Variants in EXOC6B observed in about 807,000 individuals in gnomAD.
EXOC6B encodes the protein exocyst complex component 6B.
EXOC6B carries 54 observed loss-of-function variants against 113.5 expected under a neutral mutation model. The ratio of observed to expected loss-of-function variants is 0.48; its 90% CI spans 0.38 to 0.60. The LOEUF (loss-of-function observed/expected upper bound fraction) is 0.60. EXOC6B is among the 20% of genes least tolerant of loss of function. The probability of loss-of-function intolerance (pLI) is 0.00; values close to 1 mark genes in which losing one functional copy is unlikely to be tolerated. For missense variants in EXOC6B, 797 were observed against 977.5 expected, an observed-to-expected ratio of 0.82 and a Z score of 2.46; for synonymous variants, 357 against 339.0, an observed-to-expected ratio of 1.05 and a Z score of -0.58.
At chr2:72,374,374 G>A (rs1225773267) in intron 19 of EXOC6B, among the ~76,000 whole-genome samples, 1 of 152,170 alleles carries the variant, frequency 6.6e-6, no homozygotes, top group Admixed American at 6.5e-5. Flanking sequence ...ATGAAATCCT[G>A]TCATTTGTAA....
At chr2:72,730,462 C>A (rs914760943) in intron 5 of EXOC6B, among the ~76,000 whole-genome samples, 3 of 152,124 alleles carry the variant, frequency 2.0e-5, no homozygotes, top group Non-Finnish European at 2.9e-5. Flanking sequence ...TAACTCTTCA[C>A]TGGACTCTAG....
At chr2:72,323,629 T>C (rs1030797565) in intron 20 of EXOC6B, among the ~76,000 whole-genome samples, 20 of 152,100 alleles carry the variant, frequency 1.3e-4, no homozygotes, top group African/African-American at 4.6e-4. Flanking sequence ...ATGTGGCACA[T>C]ATACACCATG....
intron 1 of EXOC6B, among the ~76,000 whole-genome samples, chr2:72,782,310 C>G (rs1684097875): frequency 6.6e-6 from 1 of 152,110 alleles, no homozygotes; most frequent in Non-Finnish European, 1.5e-5. Context: ...AAACTCAGTT[C>G]AAATATCACC....
At chr2:72,488,599 C>T (rs956097239) in intron 16 of EXOC6B, among the ~76,000 whole-genome samples, 2 of 152,138 alleles carry the variant, frequency 1.3e-5, no homozygotes, top group African/African-American at 2.4e-5. Context: ...GTATATACAG[C>T]CTTCTCGTTG....
intron 19 of EXOC6B, among the ~76,000 whole-genome samples, chr2:72,355,213 T>C (rs1009857516): frequency 1.2e-4 from 19 of 152,332 alleles, no homozygotes; most frequent in African/African-American, 4.3e-4. Context: ...TGTATGCATA[T>C]ATACACATAC....
chr2:72,569,657 C>T (rs1704404712), intron 7 of EXOC6B, among the ~76,000 whole-genome samples: 1 of 152,154 alleles, frequency 6.6e-6, no homozygotes, highest in Non-Finnish European at 1.5e-5. Flanking sequence ...CTGGTTTAAA[C>T]TCTAAACTTC....
rs185253786 is a variant in EXOC6B at position 72,682,708 on chromosome 2, T to C, written c.669+35395A>G. On this transcript the variant is annotated intron_variant, in intron 6 of 21. Coordinates refer to ENST00000272427, the MANE Select transcript of EXOC6B (RefSeq NM_015189.3). ...ATTGATATTTAAACTGATTTGCCTC[T>C]GACTATTTATAAACAAAGCCGAAAA... 3.7e-3 allele frequency among the ~76,000 whole-genome samples: 557 copies of C among 152,296 alleles called. 3 individuals are homozygous for C. Among genetic ancestry groups the C allele is most frequent in the African/African-American group, 0.013 (524 of 41,560 alleles).
intron 1 of EXOC6B, among the ~76,000 whole-genome samples, chr2:72,820,906 A>C (rs1265687973): frequency 2.0e-5 from 3 of 152,170 alleles, no homozygotes; most frequent in Admixed American, 6.5e-5. Flanking sequence ...ATAGGAGCAA[A>C]TCTTCATGAT....
intron 6 of EXOC6B, among the ~76,000 whole-genome samples, chr2:72,661,548 T>C (rs1192743741): frequency 6.6e-6 from 1 of 152,096 alleles, no homozygotes; most frequent in African/African-American, 2.4e-5. Flanking sequence ...ATAATTGATA[T>C]GAATCTAACA....
intron 6 of EXOC6B, among the ~76,000 whole-genome samples, chr2:72,640,067 T>C (rs1200225776): frequency 1.3e-5 from 2 of 152,056 alleles, no homozygotes; most frequent in Non-Finnish European, 2.9e-5. Flanking sequence ...GGAATGAAGA[T>C]CATTGAGCTA....
chr2:72,691,615 A>G (rs2104590152), intron 6 of EXOC6B, among the ~76,000 whole-genome samples: 1 of 152,104 alleles, frequency 6.6e-6, no homozygotes, highest in South Asian at 2.1e-4. Context: ...ATTTAACAGG[A>G]ACGCTTATAA....
chr2:72,818,058 A>G (rs1242636177), intron 1 of EXOC6B, among the ~76,000 whole-genome samples: 1 of 151,888 alleles, frequency 6.6e-6, no homozygotes, highest in Non-Finnish European at 1.5e-5. Context: ...TGCAACCTCT[A>G]CCTCCTGGGT....
Position 72,179,395 on chromosome 2 carries a change from C to T in EXOC6B, c.2376G>A (p.Gln792=), listed in dbSNP as rs1326263120. ...GCTTGGCCACGGTGTCAATGAGTTT[C>T]TGCTTGTCTCGCTCATTTTTCCGAA... is the stretch of plus-strand genomic sequence containing the variant. The part of the protein sequence containing the change: ...AQFRKNERDK[Q]KLIDTVAKQL... Residue 792 remains glutamine, a synonymous_variant, in exon 22 of 22, where the codon CAG becomes CAA. Transcript: ENST00000272427. 2 of 1,613,674 alleles carry T rather than the reference C, an allele frequency of 1.2e-6. No individual in the cohort carries two copies. Among genetic ancestry groups the T allele is most frequent in the Non-Finnish European group, 1.7e-6 (2 of 1,179,856 alleles).
At chr2:72,471,457 C>A (rs897037261) in intron 17 of EXOC6B, among the ~76,000 whole-genome samples, 6 of 152,204 alleles carry the variant, frequency 3.9e-5, no homozygotes, top group Admixed American at 3.3e-4. Flanking sequence ...TGCAGAAGCT[C>A]TTTAGTTTAA....
intron 18 of EXOC6B, among the ~76,000 whole-genome samples, chr2:72,428,516 T>C (rs1158477663): frequency 6.6e-6 from 1 of 152,222 alleles, no homozygotes; most frequent in African/African-American, 2.4e-5. Flanking sequence ...CAAGTCTGAC[T>C]GCACAGTGGC....
intron 20 of EXOC6B, among the ~76,000 whole-genome samples, chr2:72,318,763 A>G (rs537940048): frequency 1.2e-3 from 189 of 152,320 alleles, no homozygotes; most frequent in Non-Finnish European, 1.5e-3. Flanking sequence ...AGAATAGGGC[A>G]CTAAGAATTG....
intron 20 of EXOC6B, among the ~76,000 whole-genome samples, chr2:72,281,294 A>G (rs1685112949): frequency 6.6e-6 from 1 of 152,188 alleles, no homozygotes; most frequent in Non-Finnish European, 1.5e-5. Context: ...CAGGGCCACT[A>G]CAATTTTTCA....
intron 19 of EXOC6B, among the ~76,000 whole-genome samples, chr2:72,357,944 A>G (rs973890761): frequency 6.6e-6 from 1 of 152,078 alleles, no homozygotes; most frequent in Non-Finnish European, 1.5e-5. Context: ...CAACAATGAA[A>G]CCACCTTACG....
At chr2:72,598,031 A>C (rs74439366) in intron 6 of EXOC6B, among the ~76,000 whole-genome samples, 1 of 152,088 alleles carries the variant, frequency 6.6e-6, no homozygotes, top group South Asian at 2.1e-4. Context: ...CAATAATTGA[A>C]AGATCCAGCA....
Sources: allele counts gnomAD v4.1 joint callset (sites outside exome capture counted in the v4.1 genomes callset), GRCh38; gene constraint gnomAD v4.1.1; transcripts MANE v1.5; gene names NCBI Gene and HGNC (gene_info 2026-07-23, HGNC 2026-07-21).